LBH: variants seen among roughly 807,000 people sequenced by gnomAD.
LBH encodes the protein protein LBH.
In LBH, 7 loss-of-function variants were observed where a neutral mutation model predicts 12.5. The observed-to-expected ratio is 0.56, with a 90% confidence interval of 0.32 to 1.05. The LOEUF (loss-of-function observed/expected upper bound fraction) is 1.05, where lower values mean the gene tolerates loss of function less well. Among genes scored for constraint, LBH ranks in the 50% least tolerant of loss-of-function variants. The pLI is 0.04. For missense variants in LBH, 119 were observed against 138.9 expected, an observed-to-expected ratio of 0.86 and a Z score of 0.72; for synonymous variants, 51 against 50.1, an observed-to-expected ratio of 1.02 and a Z score of -0.08.
At chr2:30,256,138 C>T (rs1315657064) in intron 2 of LBH, among the ~76,000 whole-genome samples, 2 of 152,128 alleles carry the variant, frequency 1.3e-5, no homozygotes, top group Non-Finnish European at 2.9e-5. Flanking sequence ...AACTGCTGGG[C>T]CAAGAATTGG....
chr2:30,251,002 T>TA (rs1209115039), intron 2 of LBH, among the ~76,000 whole-genome samples: 3 of 149,934 alleles, frequency 2.0e-5, no homozygotes, highest in Non-Finnish European at 3.0e-5. Flanking sequence ...AAAAATTAAA[T>TA]AAAAAATAAC....
intron 2 of LBH, among the ~76,000 whole-genome samples, chr2:30,252,444 T>C (rs1361518366): frequency 2.0e-5 from 3 of 152,178 alleles, no homozygotes; most frequent in East Asian, 3.9e-4. Context: ...GGGCGGATCA[T>C]GAGGTCAGGA....
At chr2:30,255,169 T>C (rs1678058202) in intron 2 of LBH, among the ~76,000 whole-genome samples, 1 of 152,238 alleles carries the variant, frequency 6.6e-6, no homozygotes, top group African/African-American at 2.4e-5. Flanking sequence ...TGGGCTTCCC[T>C]CCATCGGGGT....
chr2:30,232,219 G>T (rs1275240090), intron 1 of LBH: 141 of 1,377,760 alleles, frequency 1.0e-4, no homozygotes, highest in Non-Finnish European at 1.3e-4. Flanking sequence ...GCGGCCGCAG[G>T]GTTTGCAGAG....
At position 30,231,651 on chromosome 2, in the gene LBH, T is replaced by G. The variant is rs1308285413; in HGVS notation, c.-88T>G. The G allele has an allele frequency of 3.0e-6, 4 of 1,353,706 alleles. No homozygotes were observed. Among genetic ancestry groups the G allele is most frequent in the Non-Finnish European group, 4.2e-6 (4 of 956,418 alleles). The allele number at this position is 1,353,706 out of a possible 1,614,324, so 83.9% of individuals were successfully genotyped here. On this transcript the variant is annotated 5_prime_UTR_variant, in exon 1 of 3. Transcript: ENST00000395323. ...GGTGTCCGCACTCGGCCGCCTGCCG[T>G]GCCCGTCTGCGCCCGTGTCATCCTC...
chr2:30,243,628 T>C (rs183437579), intron 2 of LBH, among the ~76,000 whole-genome samples: 2 of 151,374 alleles, frequency 1.3e-5, no homozygotes, highest in African/African-American at 4.9e-5. Context: ...CCTCCCTGGT[T>C]CAAGTGATTT....
At chr2:30,251,857 G>T (rs1677984975) in intron 2 of LBH, among the ~76,000 whole-genome samples, 1 of 152,178 alleles carries the variant, frequency 6.6e-6, no homozygotes, top group African/African-American at 2.4e-5. Context: ...AAGGCAGCAA[G>T]ATGTTTCAGG....
At chr2:30,238,766 G>C (rs1677733243) in intron 2 of LBH, among the ~76,000 whole-genome samples, 1 of 152,114 alleles carries the variant, frequency 6.6e-6, no homozygotes, top group Non-Finnish European at 1.5e-5. Flanking sequence ...GCCCTGCATT[G>C]AGAGGTGGTC....
At chr2:30,239,165 C>T (rs778283684) in intron 2 of LBH, among the ~76,000 whole-genome samples, 21 of 152,108 alleles carry the variant, frequency 1.4e-4, no homozygotes, top group Admixed American at 2.6e-4. Context: ...GTTTCATCAC[C>T]GAAGTTAGGC....
Position 30,231,553 on chromosome 2 carries a change from G to C in LBH, c.-186G>C. On this transcript the variant is annotated 5_prime_UTR_variant, in exon 1 of 3. Transcript: ENST00000395323. ...TGTGGGGCTGAGTGCTCAGTGGAGA[G>C]CGGGGAGTTGTGTCCACCTTGCCGA... is the stretch of plus-strand genomic sequence containing the variant. 1.6e-6 allele frequency: 1 copy of C among 622,612 alleles called. No homozygotes were observed. Among genetic ancestry groups the C allele is most frequent in the Non-Finnish European group, 2.9e-6 (1 of 345,672 alleles). The allele number at this position is 622,612 out of a possible 1,614,324, so 38.6% of individuals were successfully genotyped here. A position where few individuals can be genotyped will look rare whatever the true frequency, so the allele number is the denominator to read the frequency against.
chr2:30,237,213 G>A (rs1178983433), intron 2 of LBH, among the ~76,000 whole-genome samples: 1 of 152,228 alleles, frequency 6.6e-6, no homozygotes, highest in African/African-American at 2.4e-5. Flanking sequence ...AAGGAACTGA[G>A]AGTGGGAAGG....
intron 2 of LBH, among the ~76,000 whole-genome samples, chr2:30,240,056 C>T (rs553549568): frequency 1.3e-5 from 2 of 152,306 alleles, no homozygotes; most frequent in East Asian, 3.9e-4. Context: ...GGGCCTGACG[C>T]CTCTCTCTCC....
intron 2 of LBH, among the ~76,000 whole-genome samples, chr2:30,248,075 G>C (rs561161983): frequency 6.6e-6 from 1 of 152,346 alleles, no homozygotes; most frequent in African/African-American, 2.4e-5. Flanking sequence ...TGCCTGATGA[G>C]AGGGTAGCAG....
intron 2 of LBH, among the ~76,000 whole-genome samples, chr2:30,248,921 A>T (rs1001826385): frequency 1.3e-5 from 2 of 152,194 alleles, no homozygotes; most frequent in African/African-American, 4.8e-5. Context: ...AGCATCTTTG[A>T]TCCAAAGGAA....
At chr2:30,252,965 T>C (rs973063672) in intron 2 of LBH, among the ~76,000 whole-genome samples, 12 of 152,200 alleles carry the variant, frequency 7.9e-5, no homozygotes, top group African/African-American at 1.9e-4. Context: ...TTTGCCTTTC[T>C]GTAGTACAGA....
At chr2:30,232,321 C>T (rs1167890522) in intron 1 of LBH, 5 of 1,321,848 alleles carry the variant, frequency 3.8e-6, no homozygotes, top group South Asian at 1.5e-5. Context: ...CCTCTCAACC[C>T]CTGCCCTCTC....
chr2:30,234,356 A>T, intron 1 of LBH, 49 bp from the exon 2 acceptor site: 2 of 1,386,690 alleles, frequency 1.4e-6, no homozygotes, highest in East Asian at 2.3e-5. Context: ...AGAGTTAGGA[A>T]TGTGAAAGCG....
chr2:30,231,636 C>A lies in LBH; in HGVS notation c.-103C>A. The A allele has an allele frequency of 8.2e-7, 1 of 1,223,704 alleles. No individual in the cohort carries two copies. The highest frequency in any genetic ancestry group is 1.2e-6 in the Non-Finnish European group (1 of 841,210). The allele number at this position is 1,223,704 out of a possible 1,614,324, so 75.8% of individuals were successfully genotyped here. A position where few individuals can be genotyped will look rare whatever the true frequency, so the allele number is the denominator to read the frequency against. Reference sequence around the variant, plus strand: ...GGACGGCGAGCGCCCGGTGTCCGCACTCGGCCGCCTGCCGTGCCCGTCTGC... The same window carrying A: ...GGACGGCGAGCGCCCGGTGTCCGCAATCGGCCGCCTGCCGTGCCCGTCTGC... On this transcript the variant is annotated 5_prime_UTR_variant, in exon 1 of 3. Transcript: ENST00000395323.
intron 2 of LBH, among the ~76,000 whole-genome samples, chr2:30,243,854 T>G (rs1677829032): frequency 6.6e-6 from 1 of 152,044 alleles, no homozygotes; most frequent in Admixed American, 6.6e-5. Flanking sequence ...AAAGTAGATC[T>G]TAACATAATG....
Sources: gnomAD v4.1 joint callset for allele counts (sites outside exome capture counted in the v4.1 genomes callset) on GRCh38, gnomAD v4.1.1 for gene constraint, MANE v1.5 for transcripts, NCBI Gene and HGNC (gene_info 2026-07-23, HGNC 2026-07-21) for gene names.